Variants in FSTL5 observed in about 807,000 individuals in gnomAD.
The protein encoded by FSTL5 is follistatin like 5.
Under a neutral mutation model 89.1 loss-of-function variants are expected in FSTL5, and 62 were observed. The observed-to-expected ratio is 0.70, with a 90% CI of 0.57 to 0.86. The LOEUF is 0.86. Ranked by LOEUF, FSTL5 falls within the 40% of genes least tolerant of loss-of-function variation. FSTL5 has a pLI of 0.00. For missense variants in FSTL5, 1,057 were observed against 1,001.6 expected, an observed-to-expected ratio of 1.06 and a Z score of -0.75; for synonymous variants, 383 against 346.2, an observed-to-expected ratio of 1.11 and a Z score of -1.18.
At chr4:161,799,218 C>T (rs180862897) in intron 4 of FSTL5, among the ~76,000 whole-genome samples, 31 of 151,670 alleles carry the variant, frequency 2.0e-4, no homozygotes, top group Non-Finnish European at 4.1e-4. Flanking sequence ...GAAGAGCTTG[C>T]GGCAGTTTAT....
intron 6 of FSTL5, among the ~76,000 whole-genome samples, chr4:161,755,356 T>G (rs1299102282): frequency 1.3e-5 from 2 of 152,098 alleles, no homozygotes; most frequent in Non-Finnish European, 2.9e-5. Flanking sequence ...GGAATAACAC[T>G]GCAATAATAT....
intron 2 of FSTL5, among the ~76,000 whole-genome samples, chr4:162,061,159 T>A (rs1361537918): frequency 6.6e-5 from 10 of 152,092 alleles, no homozygotes; most frequent in Non-Finnish European, 1.5e-4. Context: ...TGAGTTATAA[T>A]GCTAAGCCAG....
At chr4:161,988,061 C>A (rs956201345) in intron 3 of FSTL5, among the ~76,000 whole-genome samples, 6 of 139,656 alleles carry the variant, frequency 4.3e-5, no homozygotes, top group Admixed American at 1.4e-4. Context: ...ACTAAAAAAA[C>A]CACTAAAAAA....
intron 3 of FSTL5, among the ~76,000 whole-genome samples, chr4:161,955,969 A>G (rs1735017154): frequency 6.6e-6 from 1 of 151,816 alleles, no homozygotes; most frequent in Non-Finnish European, 1.5e-5. Flanking sequence ...ACATGCCTAA[A>G]CATGCAATAG....
intron 2 of FSTL5, among the ~76,000 whole-genome samples, chr4:162,044,649 C>A (rs1025860077): frequency 6.6e-6 from 1 of 152,178 alleles, no homozygotes; most frequent in Admixed American, 6.5e-5. Flanking sequence ...TATTTGTTTT[C>A]ATAGGAGGTT....
At chr4:161,436,140 G>A (rs1457336297) in intron 15 of FSTL5, among the ~76,000 whole-genome samples, 2 of 152,030 alleles carry the variant, frequency 1.3e-5, no homozygotes, top group Non-Finnish European at 2.9e-5. Flanking sequence ...TTAAGAGATC[G>A]CTGTGTAGTC....
At chr4:162,086,669 T>A (rs1730335088) in intron 2 of FSTL5, among the ~76,000 whole-genome samples, 1 of 152,020 alleles carries the variant, frequency 6.6e-6, no homozygotes, top group Non-Finnish European at 1.5e-5. Flanking sequence ...CTCTTCTGGT[T>A]TCTCTATGTC....
chr4:162,080,200 T>C (rs1730039590), intron 2 of FSTL5, among the ~76,000 whole-genome samples: 1 of 151,684 alleles, frequency 6.6e-6, no homozygotes, highest in Non-Finnish European at 1.5e-5. Flanking sequence ...CCTCTTTCAA[T>C]ATAATTTATT....
chr4:161,788,654 G>A (rs1285564561), intron 4 of FSTL5, among the ~76,000 whole-genome samples: 3 of 152,188 alleles, frequency 2.0e-5, no homozygotes, highest in Non-Finnish European at 2.9e-5. Flanking sequence ...GGGAGGTAGA[G>A]GCAGGAGGAT....
intron 2 of FSTL5, among the ~76,000 whole-genome samples, chr4:162,093,235 C>A (rs942973092): frequency 1.3e-5 from 2 of 152,084 alleles, no homozygotes; most frequent in Non-Finnish European, 2.9e-5. Flanking sequence ...CAGCAGTGCT[C>A]ATTTTTTGTG....
chr4:161,740,669 C>T (rs1254593458), intron 6 of FSTL5, among the ~76,000 whole-genome samples: 1 of 152,084 alleles, frequency 6.6e-6, no homozygotes, highest in African/African-American at 2.4e-5. Flanking sequence ...ATTGAACACA[C>T]ATTAAGTTTT....
At chr4:162,049,205 G>A (rs1560991568) in intron 2 of FSTL5, among the ~76,000 whole-genome samples, 1 of 152,228 alleles carries the variant, frequency 6.6e-6, no homozygotes, top group East Asian at 1.9e-4. Context: ...AATGGGAAGT[G>A]GTTGAACACC....
At chr4:162,154,900 C>T (rs974730767) in intron 1 of FSTL5, among the ~76,000 whole-genome samples, 1 of 151,848 alleles carries the variant, frequency 6.6e-6, no homozygotes. Context: ...TTAACGAATC[C>T]AAAAGCCACT....
intron 4 of FSTL5, among the ~76,000 whole-genome samples, chr4:161,845,486 A>G (rs1006686389): frequency 1.3e-5 from 2 of 152,214 alleles, no homozygotes; most frequent in African/African-American, 2.4e-5. Context: ...TGATATTATC[A>G]AGGTTGATTA....
At chr4:161,486,435 T>C (rs578010769) in intron 12 of FSTL5, among the ~76,000 whole-genome samples, 58 of 152,226 alleles carry the variant, frequency 3.8e-4, no homozygotes, top group African/African-American at 1.3e-3. Context: ...TCTTAATATA[T>C]CATTAAATAA....
chr4:162,126,463 G>T (rs1054225949), intron 1 of FSTL5, among the ~76,000 whole-genome samples: 3 of 151,832 alleles, frequency 2.0e-5, no homozygotes, highest in African/African-American at 7.3e-5. Flanking sequence ...TCTTTTATTT[G>T]GTAGTTTTTA....
chr4:162,163,729 T>C lies in FSTL5; in HGVS notation c.-131A>G, dbSNP rs1373421094. On this transcript the variant is annotated 5_prime_UTR_variant, in exon 1 of 16. Transcript: ENST00000306100. The stretch of plus-strand genomic sequence containing the variant: ...ATCGTCTTAGCTGGGGAAAAAAAAA[T>C]AGTTTGGTCTAAAACTATAGAAATC... The C allele has an allele frequency of 6.8e-6, 1 of 146,236 alleles. No individual in the cohort carries two copies. 9.1% of individuals were successfully genotyped at this position (146,236 alleles called of 1,614,324 possible).
In FSTL5 at chr4:161,542,550, T is replaced by C. The variant is rs754553976; in HGVS notation, c.1159A>G (p.Lys387Glu). 13 of 1,511,370 alleles carry C rather than the reference T, an allele frequency of 8.6e-6. No individual in the cohort carries two copies. The highest frequency in any genetic ancestry group is 1.1e-5 in the Non-Finnish European group (12 of 1,125,198). The allele number at this position is 1,511,370 out of a possible 1,614,324, so 93.6% of individuals were successfully genotyped here. The change falls in exon 9 of 16, where the codon AAA becomes GAA. Residue 387 changes from lysine (K) to glutamate (E), a missense_variant. Lys to Glu is a moderately conservative substitution (Grantham distance 56). Coordinates refer to ENST00000306100, the MANE Select transcript of FSTL5 (RefSeq NM_020116.5). ...NGIDITPKLSKQLTLQANGSE... is the reference protein window; with the variant it reads ...NGIDITPKLSEQLTLQANGSE... ...AAAGCACCTTGAAGCGTGAGTTGTT[T>C]GGAAAGCTTTGGTGTAATATCAATT... is the stretch of plus-strand genomic sequence containing the variant.
At chr4:162,075,055 T>C (rs950582060) in intron 2 of FSTL5, among the ~76,000 whole-genome samples, 6 of 151,746 alleles carry the variant, frequency 4.0e-5, no homozygotes, top group African/African-American at 1.5e-4. Context: ...TAGTTTTAAA[T>C]ATGCAGTATC....
Sources: allele counts gnomAD v4.1 joint callset (sites outside exome capture counted in the v4.1 genomes callset), GRCh38; gene constraint gnomAD v4.1.1; transcripts MANE v1.5; gene names NCBI Gene and HGNC (gene_info 2026-07-23, HGNC 2026-07-21).